The following BANK1 variants were observed in gnomAD, a reference collection of about 807,000 sequenced individuals.
The protein encoded by BANK1 is B-cell scaffold protein with ankyrin repeats.
In BANK1, 95 loss-of-function variants were observed where a neutral mutation model predicts 94.5. That is an observed-to-expected ratio of 1.00 (90% confidence interval 0.85 to 1.19). The LOEUF (loss-of-function observed/expected upper bound fraction) is 1.19, where lower values mean the gene tolerates loss of function less well. Ranked by LOEUF, BANK1 falls within the 50% of genes most tolerant of loss-of-function variation. The pLI is 0.00. For synonymous variants in BANK1, 334 were observed against 308.4 expected (o/e 1.08, Z -0.87); for missense variants, 987 against 932.2 (o/e 1.06, Z -0.77).
chr4:101,841,312 T>G (rs1344024956), intron 2 of BANK1, among the ~76,000 whole-genome samples: 1 of 152,186 alleles, frequency 6.6e-6, no homozygotes, highest in East Asian at 1.9e-4. Context: ...CCATATATAA[T>G]TCTGATTGTG....
intron 2 of BANK1, among the ~76,000 whole-genome samples, chr4:101,830,646 C>A (rs1432488592): frequency 6.6e-6 from 1 of 152,074 alleles, no homozygotes; most frequent in Admixed American, 6.5e-5. Context: ...AAGCATGTAA[C>A]CTTTAGATAA....
chr4:101,799,155 G>A (rs1223351572), intron 1 of BANK1, among the ~76,000 whole-genome samples: 3 of 152,244 alleles, frequency 2.0e-5, no homozygotes, highest in East Asian at 3.9e-4. Context: ...GTAAGGAAGG[G>A]ATCCAGTTTC....
At chr4:101,936,947 C>T (rs1270394293) in intron 7 of BANK1, among the ~76,000 whole-genome samples, 2 of 151,456 alleles carry the variant, frequency 1.3e-5, no homozygotes, top group Admixed American at 6.6e-5. Context: ...TCCAGCAATC[C>T]CGCTGGATCC....
chr4:101,830,963 G>A (rs772285863), intron 2 of BANK1, among the ~76,000 whole-genome samples: 2 of 152,004 alleles, frequency 1.3e-5, no homozygotes, highest in East Asian at 1.9e-4. Flanking sequence ...TTCCTTATTC[G>A]CTGGGAATGT....
intron 7 of BANK1, among the ~76,000 whole-genome samples, chr4:101,950,343 G>A (rs1205364630): frequency 6.6e-6 from 1 of 152,090 alleles, no homozygotes; most frequent in Non-Finnish European, 1.5e-5. Flanking sequence ...CGTTTGAAGA[G>A]TAAAGTAAGA....
chr4:101,835,926 T>G (rs1726807253), intron 2 of BANK1, among the ~76,000 whole-genome samples: 1 of 152,192 alleles, frequency 6.6e-6, no homozygotes, highest in Non-Finnish European at 1.5e-5. Context: ...CATTGTTTTT[T>G]CACTTTTCTC....
intron 1 of BANK1, among the ~76,000 whole-genome samples, chr4:101,804,798 C>T (rs4698969): frequency 0.27 from 40,628 of 151,934 alleles, 5,742 homozygotes; most frequent in Non-Finnish European, 0.32. Context: ...GTTGATAAAT[C>T]GTTTATGTTA....
intron 7 of BANK1, among the ~76,000 whole-genome samples, chr4:102,017,787 T>A (rs965326951): frequency 6.6e-6 from 1 of 152,212 alleles, no homozygotes; most frequent in Non-Finnish European, 1.5e-5. Flanking sequence ...TATAATAAGA[T>A]CCTGTCTGAA....
chr4:102,057,898 TG>T (rs1560713258), intron 11 of BANK1, among the ~76,000 whole-genome samples: 6 of 152,180 alleles, frequency 3.9e-5, no homozygotes, highest in African/African-American at 1.4e-4. Context: ...ATATGTAATA[TG>T]GCATCACAAT....
chr4:101,880,858 T>C (rs1728650956), intron 5 of BANK1, among the ~76,000 whole-genome samples: 1 of 151,904 alleles, frequency 6.6e-6, no homozygotes, highest in South Asian at 2.1e-4. Flanking sequence ...GCTGGGAAAA[T>C]TGCATATCCA....
At chr4:101,823,896 A>G (rs1356228046) in intron 1 of BANK1, among the ~76,000 whole-genome samples, 1 of 152,254 alleles carries the variant, frequency 6.6e-6, no homozygotes, top group Non-Finnish European at 1.5e-5. Flanking sequence ...ATGTATATGC[A>G]TAGAAGAGTC....
chr4:102,072,953 T>A (rs899753306), intron 15 of BANK1, among the ~76,000 whole-genome samples: 1 of 152,100 alleles, frequency 6.6e-6, no homozygotes, highest in Non-Finnish European at 1.5e-5. Flanking sequence ...ATAAAAATAA[T>A]GTTATTCCAA....
At chr4:101,841,674 T>C (rs1727050722) in intron 2 of BANK1, among the ~76,000 whole-genome samples, 1 of 151,864 alleles carries the variant, frequency 6.6e-6, no homozygotes, top group Non-Finnish European at 1.5e-5. Context: ...GTGCACAATG[T>C]GCAGGTTAGT....
chr4:101,820,122 C>T (rs1726083166), intron 1 of BANK1, among the ~76,000 whole-genome samples: 1 of 152,190 alleles, frequency 6.6e-6, no homozygotes, highest in South Asian at 2.1e-4. Context: ...GTTAATACTA[C>T]CACAGGTACT....
At position 101,905,739 on chromosome 4, in the gene BANK1, T is replaced by A. The variant is rs1457693586; in HGVS notation, c.1009+10329T>A. Among the ~76,000 whole-genome samples, 3 of 152,178 alleles carry A rather than the reference T, an allele frequency of 2.0e-5. No homozygotes were observed. The East Asian group carries it at 5.8e-4, about 29-fold the overall frequency. On this transcript the variant is annotated intron_variant, in intron 6 of 16. Transcript: ENST00000322953. ...ACAGGCCTTGATATAATCAACTAAA[T>A]GTGCTTTCCCTCTGAGAGGTCACAG...
intron 7 of BANK1, among the ~76,000 whole-genome samples, chr4:101,953,755 C>T (rs1454177828): frequency 6.6e-6 from 1 of 151,974 alleles, no homozygotes; most frequent in African/African-American, 2.4e-5. Context: ...TAACTAAAAC[C>T]CCACTGAGTC....
intron 7 of BANK1, among the ~76,000 whole-genome samples, chr4:101,960,023 G>A (rs961634431): frequency 2.0e-5 from 3 of 152,102 alleles, no homozygotes; most frequent in Admixed American, 6.6e-5. Flanking sequence ...AAATGGGTGG[G>A]TGCACTCCTT....
intron 4 of BANK1, among the ~76,000 whole-genome samples, chr4:101,865,803 C>A: frequency 6.6e-6 from 1 of 151,660 alleles, no homozygotes; most frequent in Non-Finnish European, 1.5e-5. Flanking sequence ...AGCAAACAAC[C>A]AACCAAAAAA....
At chr4:101,899,612 A>G (rs138247195) in intron 6 of BANK1, among the ~76,000 whole-genome samples, 4 of 152,284 alleles carry the variant, frequency 2.6e-5, no homozygotes, top group Non-Finnish European at 5.9e-5. Flanking sequence ...TTCTTCAAAG[A>G]TTCTATATTT....
Sources: allele counts gnomAD v4.1 joint callset (sites outside exome capture counted in the v4.1 genomes callset), GRCh38; gene constraint gnomAD v4.1.1; transcripts MANE v1.5; gene names NCBI Gene and HGNC (gene_info 2026-07-23, HGNC 2026-07-21).